MAP4: variants seen among roughly 807,000 people sequenced by gnomAD.
The protein encoded by MAP4 is microtubule-associated protein 4.
Under a neutral mutation model 170.2 loss-of-function variants are expected in MAP4, and 76 were observed. The ratio of observed to expected loss-of-function variants is 0.45; its 90% CI spans 0.37 to 0.54. The LOEUF (loss-of-function observed/expected upper bound fraction) is 0.54, where lower values mean the gene tolerates loss of function less well. Ranked by LOEUF, MAP4 falls within the 20% of genes least tolerant of loss-of-function variation. MAP4 has a pLI of 0.00. For missense variants in MAP4, 2,506 were observed against 2,748.0 expected (o/e 0.91, Z 1.97); for synonymous variants, 909 against 994.5 (o/e 0.91, Z 1.62).
At chr3:47,956,171 A>G (rs2154137704) in intron 3 of MAP4, among the ~76,000 whole-genome samples, 3 of 152,152 alleles carry the variant, frequency 2.0e-5, no homozygotes, top group Admixed American at 2.0e-4. Flanking sequence ...AGTGAAAAAC[A>G]CGTAAAAAAA....
At chr3:48,030,126 C>T (rs1489995492) in intron 1 of MAP4, among the ~76,000 whole-genome samples, 7 of 149,406 alleles carry the variant, frequency 4.7e-5, no homozygotes, top group Admixed American at 6.7e-5. Flanking sequence ...TGGTGGCTCA[C>T]GTCTGTAATC....
At chr3:48,007,775 C>T (rs185331827) in intron 1 of MAP4, among the ~76,000 whole-genome samples, 2 of 151,600 alleles carry the variant, frequency 1.3e-5, no homozygotes, top group South Asian at 2.1e-4. Context: ...CAGGTTCAAG[C>T]GATTCTCCTG....
chr3:47,927,912 A>G (rs1011090635), intron 4 of MAP4, among the ~76,000 whole-genome samples: 2 of 152,268 alleles, frequency 1.3e-5, no homozygotes, highest in African/African-American at 4.8e-5. Flanking sequence ...GGCACAGAAC[A>G]GCACTGGTTT....
upstream of MAP4, among the ~76,000 whole-genome samples, chr3:48,017,077 C>T (rs933056912): frequency 5.9e-5 from 9 of 152,094 alleles, no homozygotes; most frequent in African/African-American, 2.2e-4. Flanking sequence ...CCATGCCTGG[C>T]TCTAAAGGCT....
intron 9 of MAP4, among the ~76,000 whole-genome samples, chr3:47,908,475 A>G (rs899732024): frequency 6.6e-6 from 1 of 152,210 alleles, no homozygotes; most frequent in Non-Finnish European, 1.5e-5. Context: ...TCCCATTACT[A>G]GAAACACAAA....
intron 10 of MAP4, among the ~76,000 whole-genome samples, chr3:47,884,680 TAG>T (rs1332850374): frequency 6.6e-6 from 1 of 152,114 alleles, no homozygotes; most frequent in Non-Finnish European, 1.5e-5. Flanking sequence ...AAACATAGAA[TAG>T]AGAGCTTCCT....
rs139294227 is a variant in MAP4, at chr3:48,031,892, T to TACACACAC, written c.-19-33021_-19-33014dup. ...CAAAACACACACATACACACACACATACACACACACACACACACAGACATA... is the reference window on the plus strand; with the variant it reads ...CAAAACACACACATACACACACACATACACACACACACACACACACACACACAGACATA... On this transcript the variant is annotated intron_variant, in intron 1 of 18. Coordinates refer to the MAP4 transcript ENST00000360240. Among the ~76,000 whole-genome samples, 600 of 147,514 alleles carry TACACACAC rather than the reference T, an allele frequency of 4.1e-3. 6 individuals are homozygous for TACACACAC. Among genetic ancestry groups the TACACACAC allele is most frequent in the African/African-American group, 0.015 (581 of 39,438 alleles).
intron 1 of MAP4, among the ~76,000 whole-genome samples, chr3:48,075,488 C>G (rs2100143388): frequency 4.6e-5 from 7 of 151,910 alleles, no homozygotes; most frequent in Admixed American, 4.6e-4. Context: ...GATCACGCCA[C>G]TGCACTCCAG....
Position 47,853,190 on chromosome 3 carries a change from T to C in MAP4, c.6859A>G (p.Thr2287Ala). 1 of 1,585,120 alleles carries C rather than the reference T, an allele frequency of 6.3e-7. No homozygotes were observed. Among genetic ancestry groups the C allele is most frequent in the East Asian group, 2.2e-5 (1 of 44,584 alleles). Residue 2287 changes from threonine (T) to alanine (A), a missense_variant, in exon 20 of 21, where the codon ACC (threonine) becomes GCC (alanine). By Grantham distance (58) the Thr-to-Ala change is moderately conservative. Around this residue, in one of 3 missense-constraint regions of MAP4, gnomAD observed 487 missense variants for 511.6 expected, o/e 0.95. Transcript: ENST00000683076. ...SGGGDQREAQTLDSQIQETN is the reference protein window; with the variant it reads ...SGGGDQREAQALDSQIQETN The stretch of plus-strand genomic sequence containing the variant: ...GTCTCCTGGATCTGGCTGTCCAAGG[T>C]CTGGGCCTCCCTTTGGTCACCACCC...
At chr3:48,056,981 G>A (rs2100132352) in intron 1 of MAP4, among the ~76,000 whole-genome samples, 1 of 124,572 alleles carries the variant, frequency 8.0e-6, no homozygotes, top group African/African-American at 3.1e-5. Flanking sequence ...CCGGGAGGGA[G>A]GTGGGGGGGG....
chr3:47,906,107 T>C (rs1048862316), intron 9 of MAP4, among the ~76,000 whole-genome samples: 6 of 149,256 alleles, frequency 4.0e-5, no homozygotes, highest in African/African-American at 1.5e-4. Flanking sequence ...AAAATCACAC[T>C]AGTAGAGAAA....
In MAP4 at chr3:47,855,865, T is replaced by C. The variant is rs150449420; in HGVS notation, c.6584-505A>G. 2.6e-4 allele frequency among the ~76,000 whole-genome samples: 40 copies of C among 152,326 alleles called. No homozygotes were observed. Among genetic ancestry groups the C allele is most frequent in the Non-Finnish European group, 4.4e-4 (30 of 68,024 alleles). ...CCCAGAGTTACCACCAATCTGCTGA[T>C]TGACAGTGACAGGTTGTGAAAATTG... is the stretch of plus-strand genomic sequence containing the variant. On this transcript the variant is annotated intron_variant, in intron 18 of 20. Transcript: ENST00000683076. This position sits in a 1 kb window ranked among gnomAD's most constrained non-coding sequence, Gnocchi z 5.1.
At chr3:47,945,549 T>C (rs987725957) in intron 3 of MAP4, among the ~76,000 whole-genome samples, 5 of 151,966 alleles carry the variant, frequency 3.3e-5, no homozygotes, top group African/African-American at 1.2e-4. Context: ...GGAGAAATGA[T>C]TGTAATTTGG....
chr3:47,890,574 G>T (rs1234914371), intron 10 of MAP4, among the ~76,000 whole-genome samples: 1 of 152,122 alleles, frequency 6.6e-6, no homozygotes, highest in Non-Finnish European at 1.5e-5. Flanking sequence ...AACCCATTGT[G>T]AATCTATATA....
At chr3:47,858,886 T>C (rs988172978) in intron 17 of MAP4, among the ~76,000 whole-genome samples, 1 of 152,062 alleles carries the variant, frequency 6.6e-6, no homozygotes, top group Non-Finnish European at 1.5e-5. Flanking sequence ...CCCAGCACTT[T>C]GGGAGGCTAA....
chr3:47,984,131 G>C (rs2100087135), intron 2 of MAP4, among the ~76,000 whole-genome samples: 2 of 151,974 alleles, frequency 1.3e-5, no homozygotes, highest in South Asian at 4.2e-4. Context: ...CTCCTGAGTA[G>C]TTAAGACTAC....
chr3:47,952,262 G>A (rs1404775269), intron 3 of MAP4, among the ~76,000 whole-genome samples: 2 of 151,354 alleles, frequency 1.3e-5, no homozygotes, highest in Non-Finnish European at 3.0e-5. Context: ...GGGAGGTGGG[G>A]GGGTCAGCCC....
intron 17 of MAP4, among the ~76,000 whole-genome samples, chr3:47,864,853 C>G (rs2076670951): frequency 6.6e-6 from 1 of 152,126 alleles, no homozygotes; most frequent in Admixed American, 6.6e-5. Flanking sequence ...GGCGACAGAG[C>G]AAGACTTTTT....
At chr3:47,904,452 C>T (rs760905528) in intron 9 of MAP4, among the ~76,000 whole-genome samples, 2 of 151,646 alleles carry the variant, frequency 1.3e-5, no homozygotes, top group Admixed American at 6.6e-5. Flanking sequence ...GCTGGGATTA[C>T]AGGCGTGCGC....
Sources: gnomAD v4.1 joint callset for allele counts (sites outside exome capture counted in the v4.1 genomes callset) on GRCh38, gnomAD v4.1.1 for gene constraint, gnomAD v4.1.1 regional missense constraint, Gnocchi (gnomAD v3.1) non-coding constraint, MANE v1.5 for transcripts, NCBI Gene and HGNC (gene_info 2026-07-23, HGNC 2026-07-21) for gene names.